AHRR: variants seen among roughly 807,000 people sequenced by gnomAD.
AHRR encodes the protein aryl hydrocarbon receptor repressor, also known as ahR repressor.
Under a neutral mutation model 44.0 loss-of-function variants are expected in AHRR, and 28 were observed. That is an observed-to-expected ratio of 0.64 (90% CI 0.47 to 0.87). AHRR has a LOEUF of 0.87. Ranked by LOEUF, AHRR falls within the 40% of genes least tolerant of loss-of-function variation. The probability of loss-of-function intolerance (pLI) is 0.00; values close to 1 mark genes in which losing one functional copy is unlikely to be tolerated. For missense variants in AHRR, 990 were observed against 953.9 expected, an observed-to-expected ratio of 1.04 and a Z score of -0.50; for synonymous variants, 434 against 407.0, an observed-to-expected ratio of 1.07 and a Z score of -0.80.
At chr5:422,880 G>A in intron 6 of AHRR, 22 bp downstream of exon 6, 2 of 1,599,892 alleles carry the variant, frequency 1.3e-6, no homozygotes, top group Non-Finnish European at 8.5e-7. Context: ...GGGTCCAAGT[G>A]AGTCAGCAAA....
intron 4 of AHRR, among the ~76,000 whole-genome samples, chr5:391,388 G>C (rs1734432793): frequency 9.0e-6 from 1 of 110,952 alleles, no homozygotes; most frequent in Non-Finnish European, 1.7e-5. Flanking sequence ...GCAGGGCGAG[G>C]AGGGCGCAGG....
chr5:396,298 G>C (rs1051084716), intron 4 of AHRR, among the ~76,000 whole-genome samples: 1 of 152,192 alleles, frequency 6.6e-6, no homozygotes, highest in African/African-American at 2.4e-5. Context: ...CAGCAGGCTG[G>C]GAGGGGGCAT....
In AHRR at chr5:387,258, C is replaced by G. The variant is rs1242819208; in HGVS notation, c.351+10542C>G. On this transcript the variant is annotated intron_variant, in intron 4 of 10. Transcript: ENST00000684583. The surrounding 1 kb of genome is among the most constrained non-coding windows in gnomAD (Gnocchi z 5.1). ...CTGCTCTCTCCTCTGCTTACGTCCC[C>G]CACCCTGCTGCCTCCTGGGGATGAC... 6.6e-6 allele frequency among the ~76,000 whole-genome samples: 1 copy of G among 152,216 alleles called. No individual in the cohort carries two copies. Among genetic ancestry groups the G allele is most frequent in the Non-Finnish European group, 1.5e-5 (1 of 68,044 alleles).
At chr5:374,691 C>T (rs1042982942) in intron 3 of AHRR, among the ~76,000 whole-genome samples, 2 of 152,238 alleles carry the variant, frequency 1.3e-5, no homozygotes, top group African/African-American at 2.4e-5. Flanking sequence ...CAAGGCCACC[C>T]GGTGCCACCG....
intron 4 of AHRR, among the ~76,000 whole-genome samples, chr5:386,139 G>T (rs1734161893): frequency 6.6e-6 from 1 of 151,838 alleles, no homozygotes; most frequent in South Asian, 2.1e-4. Flanking sequence ...TTCCCTCATG[G>T]AGTATGGTTA....
At chr5:350,774 TTA>T (rs1742832196) in intron 2 of AHRR, among the ~76,000 whole-genome samples, 1 of 77,834 alleles carries the variant, frequency 1.3e-5, no homozygotes. Flanking sequence ...GGGTGCAACA[TTA>T]AAAAAAAAAA....
At chr5:346,463 C>T (rs997871180) in intron 2 of AHRR, among the ~76,000 whole-genome samples, 1 of 152,168 alleles carries the variant, frequency 6.6e-6, no homozygotes, top group African/African-American at 2.4e-5. Context: ...CCCAGACGGC[C>T]CCACCACAGG....
At chr5:392,725 C>CAT (rs529411846) in intron 4 of AHRR, among the ~76,000 whole-genome samples, 134 of 152,288 alleles carry the variant, frequency 8.8e-4, no homozygotes, top group African/African-American at 3.1e-3. Context: ...TGGAGGCTTG[C>CAT]ATGCTGTGTG....
intron 5 of AHRR, chr5:420,830 C>G (rs1236633992): frequency 1.8e-5 from 5 of 277,550 alleles, no homozygotes; most frequent in African/African-American, 2.4e-5. Flanking sequence ...CGCAGCCACC[C>G]ACCCACGCAG....
chr5:411,901 G>A lies in AHRR; in HGVS notation c.352-1443G>A, dbSNP rs2126509895. Among the ~76,000 whole-genome samples the A allele has an allele frequency of 6.6e-6, 1 of 152,316 alleles. No individual in the cohort carries two copies. The highest frequency in any genetic ancestry group is 1.5e-5 in the Non-Finnish European group (1 of 68,034). Reference sequence around the variant, plus strand: ...TCTACCTCGTGTGGGATGTGAGACTGGGCGAGATATTCCACCTGGTAGCCT... The same window carrying A: ...TCTACCTCGTGTGGGATGTGAGACTAGGCGAGATATTCCACCTGGTAGCCT... On this transcript the variant is annotated intron_variant, in intron 4 of 10. Transcript: ENST00000684583. This position sits in a 1 kb window ranked among gnomAD's most constrained non-coding sequence, Gnocchi z 4.2.
At chr5:413,849 T>C (rs1451642986) in intron 5 of AHRR, among the ~76,000 whole-genome samples, 1 of 152,166 alleles carries the variant, frequency 6.6e-6, no homozygotes. Flanking sequence ...AGTGGTTCAT[T>C]TGGAATGCTG....
chr5:421,326 G>T (rs547575900), intron 5 of AHRR: 29 of 695,146 alleles, frequency 4.2e-5, no homozygotes, highest in Non-Finnish European at 6.0e-5. Context: ...CGCGATGCGG[G>T]GCAGGGGGAT....
intron 4 of AHRR, among the ~76,000 whole-genome samples, chr5:409,426 G>A (rs913777592): frequency 6.6e-6 from 1 of 152,216 alleles, no homozygotes; most frequent in Non-Finnish European, 1.5e-5. Context: ...CAAAGTGACT[G>A]TAGCATTTTA....
chr5:423,441 G>T (rs542582963), intron 6 of AHRR, among the ~76,000 whole-genome samples: 1 of 152,136 alleles, frequency 6.6e-6, no homozygotes, highest in African/African-American at 2.4e-5. Context: ...ACACCTGCCC[G>T]CGGTCCTGTG....
rs1184900348 is a variant in AHRR, at chr5:370,536, C to T, written c.245-6074C>T. 6.6e-6 allele frequency among the ~76,000 whole-genome samples: 1 copy of T among 152,146 alleles called. No homozygotes were observed. Among genetic ancestry groups the T allele is most frequent in the African/African-American group, 2.4e-5 (1 of 41,426 alleles). ...CAAGGTCATCCGCCACCCCCAGGAC[C>T]CTGAGAGTCTCACAGTGGGTGCAGC... On this transcript the variant is annotated intron_variant, in intron 3 of 10. Coordinates refer to ENST00000684583, the MANE Select transcript of AHRR (RefSeq NM_001377236.1). The surrounding 1 kb of genome is among the most constrained non-coding windows in gnomAD (Gnocchi z 4.5).
At chr5:390,788 G>A (rs1419684882) in intron 4 of AHRR, among the ~76,000 whole-genome samples, 3 of 152,198 alleles carry the variant, frequency 2.0e-5, no homozygotes, top group South Asian at 2.1e-4. Context: ...CAGAGAGGAG[G>A]GGCGGGTTTC....
In AHRR at chr5:408,244, G is replaced by T. The variant is rs538428832; in HGVS notation, c.352-5100G>T. On this transcript the variant is annotated intron_variant, in intron 4 of 10. Transcript: ENST00000684583. ...TGCACCCCTTGTATGGGTGGTGGTG[G>T]GCCTCCCTACCCTGTTCCTTGATCT... is the stretch of plus-strand genomic sequence containing the variant. Among the ~76,000 whole-genome samples the T allele has an allele frequency of 3.3e-5, 5 of 152,334 alleles. No homozygotes were observed. In the South Asian group the frequency reaches 8.3e-4, roughly 25 times the overall value.
chr5:367,814 G>A (rs1208663700), intron 3 of AHRR: 1 of 702,306 alleles, frequency 1.4e-6, no homozygotes, highest in African/African-American at 1.7e-5. Flanking sequence ...CCAGGACAGG[G>A]GTTGGCAGTG....
chr5:415,580 T>C (rs1248163537), intron 5 of AHRR, among the ~76,000 whole-genome samples: 5 of 94,934 alleles, frequency 5.3e-5, no homozygotes, highest in Admixed American at 9.5e-5. Flanking sequence ...CCTGGTCTGC[T>C]GGGAGGCCTA....
Sources: allele counts gnomAD v4.1 joint callset (sites outside exome capture counted in the v4.1 genomes callset), GRCh38; gene constraint gnomAD v4.1.1; non-coding constraint Gnocchi (gnomAD v3.1); transcripts MANE v1.5; gene names NCBI Gene and HGNC (gene_info 2026-07-23, HGNC 2026-07-21).